The following ARHGAP24 variants were observed in gnomAD, a reference collection of about 807,000 sequenced individuals.
The protein encoded by ARHGAP24 is Rho GTPase activating protein 24.
ARHGAP24 carries 50 observed loss-of-function variants against 76.4 expected under a neutral mutation model. The ratio of observed to expected loss-of-function variants is 0.65; its 90% CI spans 0.52 to 0.83. The LOEUF (loss-of-function observed/expected upper bound fraction) is 0.83. ARHGAP24 is among the 40% of genes least tolerant of loss of function. The probability of loss-of-function intolerance (pLI) is 0.00; values close to 1 mark genes in which losing one functional copy is unlikely to be tolerated. For missense variants in ARHGAP24, 930 were observed against 914.2 expected (o/e 1.02, Z -0.22); for synonymous variants, 345 against 323.3 (o/e 1.07, Z -0.72).
intron 3 of ARHGAP24, among the ~76,000 whole-genome samples, chr4:85,734,967 A>G (rs1193232862): frequency 6.6e-6 from 1 of 152,164 alleles, no homozygotes; most frequent in Non-Finnish European, 1.5e-5. Context: ...TAATTTCCTA[A>G]TACCAAGTAT....
intron 3 of ARHGAP24, among the ~76,000 whole-genome samples, chr4:85,805,906 ATG>A (rs1728772380): frequency 6.6e-6 from 1 of 152,184 alleles, no homozygotes; most frequent in South Asian, 2.1e-4. Flanking sequence ...AAGAATGCAC[ATG>A]TGTACATAAT....
Position 85,923,633 on chromosome 4 carries a change from A to C in ARHGAP24, c.269-15A>C. On this transcript the variant is annotated splice_polypyrimidine_tract_variant and intron_variant, in intron 3 of 9. Coordinates refer to ENST00000395184, the MANE Select transcript of ARHGAP24 (RefSeq NM_001025616.3). ...TGGATGCAACTTCAGCTGCATTGTT[A>C]CTGTGTTTTCACAGGAGGCGATCGA... 3 of 1,613,420 alleles carry C rather than the reference A, an allele frequency of 1.9e-6. No individual in the cohort carries two copies. The highest frequency in any genetic ancestry group is 2.5e-6 in the Non-Finnish European group (3 of 1,179,646).
chr4:85,982,140 C>T (rs940962965), intron 8 of ARHGAP24, among the ~76,000 whole-genome samples: 5 of 151,624 alleles, frequency 3.3e-5, no homozygotes, highest in African/African-American at 1.2e-4. Flanking sequence ...GTGAGAATTT[C>T]AGGAGATCCA....
At chr4:85,621,597 A>G (rs1720720631) in intron 2 of ARHGAP24, among the ~76,000 whole-genome samples, 1 of 151,886 alleles carries the variant, frequency 6.6e-6, no homozygotes, top group Non-Finnish European at 1.5e-5. Flanking sequence ...TCCTTTGCCT[A>G]CTTTTTAATG....
intron 1 of ARHGAP24, among the ~76,000 whole-genome samples, chr4:85,535,955 G>T (rs906561785): frequency 6.6e-6 from 1 of 152,108 alleles, no homozygotes; most frequent in African/African-American, 2.4e-5. Context: ...CCTAGTTGTT[G>T]ATTGCCTGTG....
chr4:85,871,045 C>G (rs932669554), intron 3 of ARHGAP24, among the ~76,000 whole-genome samples: 1 of 152,062 alleles, frequency 6.6e-6, no homozygotes, highest in Non-Finnish European at 1.5e-5. Context: ...TTTATTCTCT[C>G]TTTTGAATAA....
intron 8 of ARHGAP24, among the ~76,000 whole-genome samples, chr4:85,982,106 G>C (rs866485824): frequency 1.2e-4 from 18 of 151,316 alleles, no homozygotes; most frequent in African/African-American, 3.9e-4. Flanking sequence ...TTTTGACTTG[G>C]CTATCTAGTT....
At chr4:85,895,216 T>C (rs1047409982) in intron 3 of ARHGAP24, among the ~76,000 whole-genome samples, 4 of 151,926 alleles carry the variant, frequency 2.6e-5, no homozygotes, top group Non-Finnish European at 5.9e-5. Context: ...ATAAAAGTAA[T>C]ATATTTAGCA....
At chr4:85,622,232 T>C (rs28836878) in intron 2 of ARHGAP24, among the ~76,000 whole-genome samples, 8,238 of 136,130 alleles carry the variant, frequency 0.061, 863 homozygotes, top group African/African-American at 0.2. Context: ...TATCTCCTAA[T>C]GCTATCCCTC....
intron 2 of ARHGAP24, among the ~76,000 whole-genome samples, chr4:85,598,939 T>C (rs905742480): frequency 6.6e-6 from 1 of 151,718 alleles, no homozygotes; most frequent in Non-Finnish European, 1.5e-5. Context: ...TAATGGAATA[T>C]ATCTCAAATA....
chr4:85,533,049 G>A (rs183095410), intron 1 of ARHGAP24, among the ~76,000 whole-genome samples: 12 of 152,294 alleles, frequency 7.9e-5, no homozygotes, highest in Admixed American at 5.2e-4. Flanking sequence ...TACTTTCAAC[G>A]TATGAGAGGT....
At chr4:85,608,513 T>C (rs577904278) in intron 2 of ARHGAP24, among the ~76,000 whole-genome samples, 1 of 151,784 alleles carries the variant, frequency 6.6e-6, no homozygotes, top group Admixed American at 6.6e-5. Flanking sequence ...CTTCATATAG[T>C]ACCTGGTTGA....
At chr4:85,827,636 CG>C in intron 3 of ARHGAP24, 1 of 212,248 alleles carries the variant, frequency 4.7e-6, no homozygotes, top group Non-Finnish European at 9.6e-6. Flanking sequence ...TTCAGAATCT[CG>C]AAAGGCAAGG....
chr4:85,516,482 C>T (rs984652369), intron 1 of ARHGAP24, among the ~76,000 whole-genome samples: 21 of 152,064 alleles, frequency 1.4e-4, no homozygotes, highest in African/African-American at 5.1e-4. Flanking sequence ...TTTCCAAGAA[C>T]CTATGGAAGA....
chr4:85,526,397 C>CA (rs397945077), intron 1 of ARHGAP24, among the ~76,000 whole-genome samples: 5,497 of 76,812 alleles, frequency 0.072, 233 homozygotes, highest in African/African-American at 0.17. Flanking sequence ...AAGACCCTGT[C>CA]AAAAAAAAAA....
chr4:85,700,299 G>C (rs1048586760), intron 2 of ARHGAP24, among the ~76,000 whole-genome samples: 1 of 151,952 alleles, frequency 6.6e-6, no homozygotes, highest in Admixed American at 6.6e-5. Context: ...GGAGGCTGAG[G>C]CAGGTAGAAT....
intron 2 of ARHGAP24, among the ~76,000 whole-genome samples, chr4:85,626,542 C>A (rs893471008): frequency 6.6e-6 from 1 of 152,136 alleles, no homozygotes; most frequent in Non-Finnish European, 1.5e-5. Flanking sequence ...GTGAATCTGA[C>A]AATTATGTGT....
intron 3 of ARHGAP24, among the ~76,000 whole-genome samples, chr4:85,877,670 A>G (rs1365330144): frequency 6.6e-6 from 1 of 150,942 alleles, no homozygotes; most frequent in Non-Finnish European, 1.5e-5. Context: ...ACTTTTCAGC[A>G]TATCTAAAAT....
At chr4:85,502,314 A>G (rs1723854491) in intron 1 of ARHGAP24, among the ~76,000 whole-genome samples, 2 of 152,180 alleles carry the variant, frequency 1.3e-5, no homozygotes, top group South Asian at 2.1e-4. Flanking sequence ...TACCTTGGGC[A>G]GTATGGCCAT....
Sources: allele counts gnomAD v4.1 joint callset (sites outside exome capture counted in the v4.1 genomes callset), GRCh38; gene constraint gnomAD v4.1.1; transcripts MANE v1.5; gene names NCBI Gene and HGNC (gene_info 2026-07-23, HGNC 2026-07-21).